Variants in TENM3 observed in about 807,000 individuals in gnomAD.
The protein encoded by TENM3 is teneurin-3.
Under a neutral mutation model 255.1 loss-of-function variants are expected in TENM3, and 63 were observed. The ratio of observed to expected loss-of-function variants is 0.25; its 90% CI spans 0.20 to 0.30. The LOEUF (loss-of-function observed/expected upper bound fraction) is 0.30, where lower values mean the gene tolerates loss of function less well. Ranked by LOEUF, TENM3 falls within the 10% of genes least tolerant of loss-of-function variation. TENM3 has a pLI of 1.00. For synonymous variants in TENM3, 1,306 were observed against 1,322.3 expected (o/e 0.99, Z 0.27); for missense variants, 2,929 against 3,461.1 (o/e 0.85, Z 3.86).
chr4:182,786,647 G>A (rs1765685508), intron 24 of TENM3, among the ~76,000 whole-genome samples: 2 of 152,098 alleles, frequency 1.3e-5, no homozygotes, highest in South Asian at 4.2e-4. Flanking sequence ...CCACTCTGTG[G>A]TCCAGATTTC....
intron 1 of TENM3, among the ~76,000 whole-genome samples, chr4:182,260,880 T>A (rs1251787877): frequency 6.6e-6 from 1 of 152,096 alleles, no homozygotes; most frequent in South Asian, 2.1e-4. Flanking sequence ...TTATTTTCTT[T>A]CTTTTTTTTT....
Position 182,152,802 on chromosome 4 carries a change from T to C in TENM3, c.-76+8048T>C, listed in dbSNP as rs541244707. 2.0e-5 allele frequency among the ~76,000 whole-genome samples: 3 copies of C among 151,972 alleles called. No homozygotes were observed. In the East Asian group the frequency reaches 5.8e-4, roughly 29 times the overall value. On this transcript the variant is annotated intron_variant, in intron 1 of 2. Coordinates refer to the TENM3 transcript ENST00000512480. ...TTCTATATTGTTTTAATTAGTATGATAGTAGATGCTACAGAATTTGCTTAG... is the reference window on the plus strand; with the variant it reads ...TTCTATATTGTTTTAATTAGTATGACAGTAGATGCTACAGAATTTGCTTAG...
At chr4:181,560,231 G>A in the TENM3 span, among the ~76,000 whole-genome samples, 1 of 152,230 alleles carries the variant, frequency 6.6e-6, no homozygotes, top group East Asian at 1.9e-4. Flanking sequence ...GGCAGAAGGA[G>A]TGAGGGAGCT....
At chr4:181,938,980 C>G in the TENM3 span, among the ~76,000 whole-genome samples, 1 of 151,956 alleles carries the variant, frequency 6.6e-6, no homozygotes, top group Non-Finnish European at 1.5e-5. Context: ...CACTAAAGAA[C>G]AGAATTTCTT....
At chr4:181,810,837 G>A in the TENM3 span, among the ~76,000 whole-genome samples, 1 of 152,134 alleles carries the variant, frequency 6.6e-6, no homozygotes, top group Non-Finnish European at 1.5e-5. Flanking sequence ...GCTGTTCAGG[G>A]AGCGGCAAGC....
chr4:182,253,621 G>A (rs569811566), intron 1 of TENM3, among the ~76,000 whole-genome samples: 2 of 152,210 alleles, frequency 1.3e-5, no homozygotes, highest in African/African-American at 2.4e-5. Flanking sequence ...AAAATTTTGA[G>A]CTTCTCCTTG....
chr4:182,337,328 G>C (rs956838849), intron 2 of TENM3, among the ~76,000 whole-genome samples: 1 of 152,070 alleles, frequency 6.6e-6, no homozygotes, highest in African/African-American at 2.4e-5. Flanking sequence ...AATATATAAA[G>C]AGCTTCTACA....
At chr4:182,343,566 T>C (rs1009970611) in intron 2 of TENM3, among the ~76,000 whole-genome samples, 9 of 152,114 alleles carry the variant, frequency 5.9e-5, no homozygotes, top group African/African-American at 1.9e-4. Context: ...TCAGCTGCCT[T>C]GTCCTGCCTC....
At chr4:181,911,824 T>G in the TENM3 span, among the ~76,000 whole-genome samples, 1 of 152,206 alleles carries the variant, frequency 6.6e-6, no homozygotes, top group Non-Finnish European at 1.5e-5. Context: ...GCCATTAAAA[T>G]GGGCAGAAAA....
chr4:181,833,362 G>C, the TENM3 span, among the ~76,000 whole-genome samples: 1 of 152,108 alleles, frequency 6.6e-6, no homozygotes, highest in South Asian at 2.1e-4. Flanking sequence ...ACCACTTACT[G>C]TCCACGGGGC....
chr4:182,260,281 A>G (rs1198397891), intron 1 of TENM3, among the ~76,000 whole-genome samples: 1 of 152,126 alleles, frequency 6.6e-6, no homozygotes, highest in Non-Finnish European at 1.5e-5. Flanking sequence ...ATCATATGGT[A>G]GTTCTGTTTT....
At chr4:182,258,112 C>A (rs185942230) in intron 1 of TENM3, among the ~76,000 whole-genome samples, 3 of 151,736 alleles carry the variant, frequency 2.0e-5, no homozygotes. Flanking sequence ...AAAATAAATA[C>A]GTAAAGTATA....
intron 1 of TENM3, among the ~76,000 whole-genome samples, chr4:182,270,995 G>T (rs1339815521): frequency 6.6e-6 from 1 of 152,106 alleles, no homozygotes; most frequent in East Asian, 1.9e-4. Context: ...GTAGTATTTT[G>T]CATTCTGTTG....
chr4:181,834,747 A>T, the TENM3 span: 4 of 152,256 alleles, frequency 2.6e-5, no homozygotes, highest in African/African-American at 9.6e-5. Context: ...ACGGCCTCAC[A>T]CTATTCTACA....
At chr4:181,461,987 T>C in the TENM3 span, among the ~76,000 whole-genome samples, 1 of 152,196 alleles carries the variant, frequency 6.6e-6, no homozygotes, top group Non-Finnish European at 1.5e-5. Context: ...TACGTATTCC[T>C]TTCCAACAAA....
At chr4:182,043,892 A>C in the TENM3 span, among the ~76,000 whole-genome samples, 6 of 152,122 alleles carry the variant, frequency 3.9e-5, no homozygotes, top group African/African-American at 1.4e-4. Context: ...CTATAATAAA[A>C]ACACGCCATC....
intron 1 of TENM3, among the ~76,000 whole-genome samples, chr4:182,253,365 T>G (rs529455032): frequency 3.3e-5 from 5 of 152,212 alleles, no homozygotes; most frequent in African/African-American, 1.2e-4. Context: ...CCCAGCTACT[T>G]GGGAGGCTGA....
the TENM3 span, among the ~76,000 whole-genome samples, chr4:181,590,067 G>C: frequency 6.6e-6 from 1 of 152,178 alleles, no homozygotes; most frequent in South Asian, 2.1e-4. Flanking sequence ...GAAAGAGGTA[G>C]TGAGCAAGTA....
chr4:182,557,535 G>A (rs1176660639), intron 3 of TENM3, among the ~76,000 whole-genome samples: 2 of 152,154 alleles, frequency 1.3e-5, no homozygotes, highest in Non-Finnish European at 2.9e-5. Context: ...GGAACCCTAA[G>A]CAAGATCCTA....
Sources: allele counts gnomAD v4.1 joint callset (sites outside exome capture counted in the v4.1 genomes callset), GRCh38; gene constraint gnomAD v4.1.1; transcripts MANE v1.5; gene names NCBI Gene and HGNC (gene_info 2026-07-23, HGNC 2026-07-21).